Variants in DNM1L observed in about 807,000 individuals in gnomAD.
The protein encoded by DNM1L is dynamin-1-like protein.
DNM1L carries 33 observed loss-of-function variants against 92.8 expected under a neutral mutation model. That is an observed-to-expected ratio of 0.36 (90% CI 0.27 to 0.48). DNM1L has a LOEUF of 0.48. Ranked by LOEUF, DNM1L falls within the 20% of genes least tolerant of loss-of-function variation. DNM1L has a pLI of 0.99. For missense variants in DNM1L, 485 were observed against 888.8 expected (o/e 0.55, Z 5.78); for synonymous variants, 284 against 305.0 (o/e 0.93, Z 0.72).
intron 9 of DNM1L, among the ~76,000 whole-genome samples, chr12:32,725,061 G>T (rs1268941629): frequency 6.7e-6 from 1 of 150,104 alleles, no homozygotes; most frequent in Non-Finnish European, 1.5e-5. Flanking sequence ...TTAAAGCATC[G>T]TATCACTGAA....
intron 13 of DNM1L, among the ~76,000 whole-genome samples, chr12:32,736,618 C>T (rs118068114): frequency 0.011 from 1,694 of 152,326 alleles, 8 homozygotes; most frequent in Middle Eastern, 0.02. Flanking sequence ...ACAGATACTT[C>T]TTCAAGATAC....
At chr12:32,720,603 A>G (rs977012849) in intron 7 of DNM1L, 61 bp from the exon 8 acceptor site, 14 of 1,609,284 alleles carry the variant, frequency 8.7e-6, no homozygotes, top group East Asian at 2.2e-5. Context: ...TGCTGTCATC[A>G]TCTAAGGTAG....
intron 4 of DNM1L, among the ~76,000 whole-genome samples, chr12:32,709,994 TA>T (rs1316469230): frequency 6.6e-6 from 1 of 152,152 alleles, no homozygotes; most frequent in Non-Finnish European, 1.5e-5. Flanking sequence ...ATAAGGTAGT[TA>T]AACAGGTGAT....
chr12:32,715,766 A>G (rs941170324), intron 6 of DNM1L, among the ~76,000 whole-genome samples: 14 of 152,154 alleles, frequency 9.2e-5, no homozygotes, highest in Admixed American at 2.6e-4. Flanking sequence ...GAAAAATACC[A>G]TAGGTAAAAT....
chr12:32,733,646 A>G (rs991275554), intron 12 of DNM1L, 69 bp from the exon 13 acceptor site: 18 of 1,278,902 alleles, frequency 1.4e-5, no homozygotes, highest in South Asian at 8.5e-5. Flanking sequence ...TAAGTTTTAT[A>G]TATAAATTTC....
intron 6 of DNM1L, among the ~76,000 whole-genome samples, chr12:32,716,532 T>G (rs1953374907): frequency 1.3e-5 from 2 of 151,972 alleles, no homozygotes; most frequent in African/African-American, 4.8e-5. Context: ...TTGCCCAGAC[T>G]GGTCTCGAAC....
chr12:32,681,063 A>C (rs890686449), intron 1 of DNM1L, among the ~76,000 whole-genome samples: 10 of 152,328 alleles, frequency 6.6e-5, no homozygotes, highest in African/African-American at 2.4e-4. Flanking sequence ...TATTTTGGTC[A>C]GTAAACCTGT....
At chr12:32,726,609 T>G (rs67215596) in intron 9 of DNM1L, 110,982 of 1,109,364 alleles carry the variant, frequency 0.1, 6,951 homozygotes, top group Admixed American at 0.19. Flanking sequence ...AGCTTCAGCA[T>G]CATCATCCAG....
intron 1 of DNM1L, among the ~76,000 whole-genome samples, chr12:32,687,067 C>T (rs1161283992): frequency 6.6e-6 from 1 of 151,182 alleles, no homozygotes; most frequent in Non-Finnish European, 1.5e-5. Flanking sequence ...AGGCATGAGC[C>T]ACCACACCCG....
chr12:32,738,460 G>A (rs544211709), intron 16 of DNM1L, among the ~76,000 whole-genome samples, 164 bp downstream of exon 16: 7 of 152,224 alleles, frequency 4.6e-5, no homozygotes, highest in African/African-American at 9.6e-5. Context: ...GGCATTAAAC[G>A]TTGTTTTAAT....
At chr12:32,694,490 C>T (rs1027813280) in intron 1 of DNM1L, among the ~76,000 whole-genome samples, 7 of 152,146 alleles carry the variant, frequency 4.6e-5, no homozygotes, top group East Asian at 1.9e-4. Context: ...CATGTTGGAG[C>T]GTGCATCGGT....
rs903181870 is a variant in DNM1L at position 32,691,478 on chromosome 12, C to T, written c.103-9937C>T. Among the ~76,000 whole-genome samples the T allele has an allele frequency of 2.6e-5, 4 of 152,060 alleles. No individual in the cohort carries two copies. The East Asian group carries it at 5.8e-4, about 22-fold the overall frequency. ...CAGGATGGTCTCAATCTCTTGACCT[C>T]GTGATCCACCCGCCTTGGCCTCCTG... On this transcript the variant is annotated intron_variant, in intron 1 of 19. Transcript: ENST00000549701.
At chr12:32,718,195 G>T (rs1236050155) in intron 6 of DNM1L, among the ~76,000 whole-genome samples, 1 of 147,360 alleles carries the variant, frequency 6.8e-6, no homozygotes, top group African/African-American at 2.5e-5. Flanking sequence ...AGGCCGAAGT[G>T]CAATGGCACG....
At chr12:32,686,404 C>A (rs749652232) in intron 1 of DNM1L, among the ~76,000 whole-genome samples, 3 of 151,578 alleles carry the variant, frequency 2.0e-5, no homozygotes, top group Non-Finnish European at 4.4e-5. Flanking sequence ...TTCATAATGA[C>A]ATCTCTGTCT....
chr12:32,718,560 T>C, intron 6 of DNM1L, 83 bp from the exon 7 acceptor site: 1 of 1,575,400 alleles, frequency 6.3e-7, no homozygotes, highest in Non-Finnish European at 8.7e-7. Flanking sequence ...GATGAGGGTT[T>C]TCCTTTATTA....
intron 4 of DNM1L, among the ~76,000 whole-genome samples, chr12:32,709,792 G>A (rs1156279825): frequency 6.6e-6 from 1 of 152,210 alleles, no homozygotes; most frequent in Non-Finnish European, 1.5e-5. Flanking sequence ...TAAAGATCCT[G>A]AGAAATATAC....
chr12:32,717,258 G>C (rs1375273074), intron 6 of DNM1L, among the ~76,000 whole-genome samples: 5 of 91,650 alleles, frequency 5.5e-5, no homozygotes, highest in Non-Finnish European at 8.0e-5. Context: ...AGTATATATA[G>C]TATATATATA....
chr12:32,683,960 C>T (rs1373292748), intron 1 of DNM1L, among the ~76,000 whole-genome samples: 4 of 152,178 alleles, frequency 2.6e-5, no homozygotes, highest in Non-Finnish European at 4.4e-5. Flanking sequence ...AGGTATGAGC[C>T]ACCATGCCCG....
intron 1 of DNM1L, among the ~76,000 whole-genome samples, chr12:32,682,826 T>G (rs1374669453): frequency 6.6e-6 from 1 of 152,196 alleles, no homozygotes; most frequent in Non-Finnish European, 1.5e-5. Flanking sequence ...TATCAGTCAT[T>G]CACATGTTTT....
Sources: allele counts gnomAD v4.1 joint callset (sites outside exome capture counted in the v4.1 genomes callset), GRCh38; gene constraint gnomAD v4.1.1; transcripts MANE v1.5; gene names NCBI Gene and HGNC (gene_info 2026-07-23, HGNC 2026-07-21).